The following SPHKAP variants were observed in gnomAD, a reference collection of about 807,000 sequenced individuals.
SPHKAP encodes the protein SPHK1 interactor, AKAP domain containing, also known as A-kinase anchor protein SPHKAP.
In SPHKAP, 67 loss-of-function variants were observed where a neutral mutation model predicts 137.5. The observed-to-expected ratio is 0.49, with a 90% CI of 0.40 to 0.60. The LOEUF is 0.60. Among genes scored for constraint, SPHKAP ranks in the 20% least tolerant of loss-of-function variants. SPHKAP has a pLI of 0.00. For synonymous variants in SPHKAP, 813 were observed against 785.3 expected, an observed-to-expected ratio of 1.04 and a Z score of -0.59; for missense variants, 2,097 against 2,069.3, an observed-to-expected ratio of 1.01 and a Z score of -0.26.
chr2:227,995,819 G>A, intron 7 of SPHKAP, 125 bp from the exon 8 acceptor site: 1 of 1,288,352 alleles, frequency 7.8e-7, no homozygotes, highest in Non-Finnish European at 1.0e-6. Context: ...GAGTCTCCCT[G>A]GGCTGATCCT....
In SPHKAP at chr2:228,017,028, G is replaced by T; in HGVS notation, c.3826C>A (p.Pro1276Thr). 1 of 1,614,120 alleles carries T rather than the reference G, an allele frequency of 6.2e-7. No homozygotes were observed. Among genetic ancestry groups the T allele is most frequent in the Non-Finnish European group, 8.5e-7 (1 of 1,180,014 alleles). The change falls in exon 7 of 12, where the codon CCG becomes ACG. Residue 1276 changes from proline to threonine, a missense_variant. Physicochemically the swap from Pro to Thr is conservative, Grantham distance 38. Coordinates refer to ENST00000392056, the MANE Select transcript of SPHKAP (RefSeq NM_001142644.2). ...CCGGATGAGGACGCGCTACTGACCGGCTGCACGCTTAGGAAATCTTGTGGG... is the reference window on the plus strand; with the variant it reads ...CCGGATGAGGACGCGCTACTGACCGTCTGCACGCTTAGGAAATCTTGTGGG... ...NCPQDFLSVQ[P>T]VSSASSSGLC...
rs371646756 is a variant in SPHKAP, at chr2:228,017,904, C to G, written c.2950G>C (p.Glu984Gln). ...ACAGCGGTCCCGCTCCCCTGGCTCT[C>G]TTTCTTCCTCTTCAAGGATCGGCAG... ...VPCRSLKRKK[E>Q]SQGSGTAVRK... is the part of the protein sequence containing the mutation. Residue 984 changes from glutamate (E) to glutamine (Q), a missense_variant, in exon 7 of 12, where the codon GAG becomes CAG. Coordinates refer to ENST00000392056, the MANE Select transcript of SPHKAP (RefSeq NM_001142644.2). The G allele has an allele frequency of 1.2e-6, 2 of 1,614,170 alleles. No individual in the cohort carries two copies. The highest frequency in any genetic ancestry group is 3.3e-5 in the Admixed American group (2 of 60,026).
intron 2 of SPHKAP, among the ~76,000 whole-genome samples, chr2:228,120,145 G>A (rs913101794): frequency 5.9e-5 from 9 of 152,116 alleles, no homozygotes; most frequent in Non-Finnish European, 1.2e-4. Flanking sequence ...TTATTAGTGA[G>A]CCTACCATTC....
rs372515580 is a variant in SPHKAP at position 228,016,890 on chromosome 2, T to C, written c.3964A>G (p.Lys1322Glu). Residue 1322 changes from lysine (K) to glutamate (E), a missense_variant, in exon 7 of 12, where the codon AAA becomes GAA. Lys to Glu is a moderately conservative substitution (Grantham distance 56). Transcript: ENST00000392056. The part of the protein sequence containing the change: ...SSIEALMRKN[K>E]IIVDDAEEAD... ...TCCTCTGCATCATCCACAATGATTT[T>C]GTTCTTGCGCATGAGAGCCTCAATG... 3.7e-6 allele frequency: 6 copies of C among 1,614,012 alleles called. No homozygotes were observed. The highest frequency in any genetic ancestry group is 5.1e-6 in the Non-Finnish European group (6 of 1,180,014).
At chr2:228,055,009 T>G (rs10933232) in intron 3 of SPHKAP, among the ~76,000 whole-genome samples, 93,607 of 151,466 alleles carry the variant, frequency 0.62, 29,364 homozygotes, top group East Asian at 0.78. Flanking sequence ...AGGCATGGTG[T>G]TGCATGCCTG....
At chr2:228,090,372 G>A (rs536952398) in intron 3 of SPHKAP, among the ~76,000 whole-genome samples, 19 of 152,324 alleles carry the variant, frequency 1.2e-4, no homozygotes, top group Non-Finnish European at 2.2e-4. Context: ...TATCTTGGAA[G>A]TAAATAACTT....
chr2:228,016,409 T>A lies in SPHKAP; in HGVS notation c.4445A>T (p.His1482Leu). The change falls in exon 7 of 12, where the codon CAT becomes CTT. Residue 1482 changes from histidine (H) to leucine (L), a missense_variant. By Grantham distance (99) the His-to-Leu change is moderately conservative (BLOSUM62 -3). Coordinates refer to ENST00000392056, the MANE Select transcript of SPHKAP (RefSeq NM_001142644.2). ...TAGTCTGAGACGATTCACTCACCTATGGATTTGACAAGCGCTCACGGCTGT... is the reference window on the plus strand; with the variant it reads ...TAGTCTGAGACGATTCACTCACCTAAGGATTTGACAAGCGCTCACGGCTGT... ...GDTAVSACQIHSDSLDTRDVP... is the reference protein window; with the variant it reads ...GDTAVSACQILSDSLDTRDVP... The A allele has an allele frequency of 6.3e-7, 1 of 1,586,048 alleles. No individual in the cohort carries two copies. Among genetic ancestry groups the A allele is most frequent in the East Asian group, 2.2e-5 (1 of 44,788 alleles).
chr2:228,036,714 T>A (rs1009986482), intron 3 of SPHKAP, among the ~76,000 whole-genome samples: 7 of 152,096 alleles, frequency 4.6e-5, no homozygotes, highest in African/African-American at 9.7e-5. Flanking sequence ...TAAAAAATGA[T>A]GAGTTCATGT....
intron 3 of SPHKAP, among the ~76,000 whole-genome samples, chr2:228,065,607 C>A (rs1559155029): frequency 6.6e-6 from 1 of 152,164 alleles, no homozygotes; most frequent in Non-Finnish European, 1.5e-5. Context: ...CTAGCCATTT[C>A]ATTGTGCCTG....
intron 3 of SPHKAP, among the ~76,000 whole-genome samples, chr2:228,101,956 C>T (rs193179329): frequency 2.6e-5 from 4 of 152,324 alleles, no homozygotes; most frequent in Admixed American, 2.0e-4. Flanking sequence ...TCAACTTATA[C>T]TCCCCCTGTC....
chr2:228,085,296 T>C (rs1304499027), intron 3 of SPHKAP, among the ~76,000 whole-genome samples: 2 of 152,350 alleles, frequency 1.3e-5, no homozygotes, highest in East Asian at 1.9e-4. Flanking sequence ...ACATGACTTA[T>C]CGTTATTAGA....
chr2:228,135,955 T>C (rs1055244965), intron 1 of SPHKAP, among the ~76,000 whole-genome samples: 1 of 152,212 alleles, frequency 6.6e-6, no homozygotes, highest in Non-Finnish European at 1.5e-5. Context: ...TGAGTGTGCA[T>C]TTCCAATAGG....
chr2:228,061,439 T>A (rs1435036283), intron 3 of SPHKAP, among the ~76,000 whole-genome samples: 1 of 151,914 alleles, frequency 6.6e-6, no homozygotes, highest in Non-Finnish European at 1.5e-5. Context: ...CAGCTAATTT[T>A]GTATGTATTT....
intron 1 of SPHKAP, among the ~76,000 whole-genome samples, chr2:228,153,047 C>T (rs747970991): frequency 2.0e-5 from 3 of 152,240 alleles, no homozygotes; most frequent in Non-Finnish European, 2.9e-5. Context: ...CTCTCATTCT[C>T]TCTTGTCTGC....
chr2:228,091,991 C>T (rs1697753398), intron 3 of SPHKAP, among the ~76,000 whole-genome samples: 1 of 151,830 alleles, frequency 6.6e-6, no homozygotes, highest in South Asian at 2.1e-4. Flanking sequence ...CAGCACAATT[C>T]TCAGTTGCAA....
chr2:228,061,020 A>G (rs1696614300), intron 3 of SPHKAP, among the ~76,000 whole-genome samples: 1 of 152,192 alleles, frequency 6.6e-6, no homozygotes, highest in African/African-American at 2.4e-5. Flanking sequence ...TTTGAGGCCA[A>G]ACTTGGAACC....
At chr2:228,036,475 C>T (rs988671891) in intron 3 of SPHKAP, among the ~76,000 whole-genome samples, 1 of 152,200 alleles carries the variant, frequency 6.6e-6, no homozygotes, top group Non-Finnish European at 1.5e-5. Context: ...GACAGTGTGT[C>T]CATTCCTCAG....
intron 3 of SPHKAP, among the ~76,000 whole-genome samples, chr2:228,064,214 G>T (rs561963956): frequency 3.3e-5 from 5 of 152,330 alleles, no homozygotes; most frequent in African/African-American, 1.2e-4. Context: ...AGGCTTGGCA[G>T]TTCTTGTGTT....
intron 5 of SPHKAP, among the ~76,000 whole-genome samples, chr2:228,023,425 T>G (rs13404358): frequency 0.38 from 58,249 of 151,998 alleles, 11,626 homozygotes; most frequent in South Asian, 0.52. Context: ...GCATTTCCAA[T>G]GAATCTGTTG....
Sources: allele counts gnomAD v4.1 joint callset (sites outside exome capture counted in the v4.1 genomes callset), GRCh38; gene constraint gnomAD v4.1.1; transcripts MANE v1.5; gene names NCBI Gene and HGNC (gene_info 2026-07-23, HGNC 2026-07-21).